KIF13A: variants seen among roughly 807,000 people sequenced by gnomAD.
KIF13A encodes kinesin-like protein KIF13A.
In KIF13A, 79 loss-of-function variants were observed where a neutral mutation model predicts 212.2. The ratio of observed to expected loss-of-function variants is 0.37; its 90% CI spans 0.31 to 0.45. KIF13A has a LOEUF of 0.45. KIF13A is among the 20% of genes least tolerant of loss of function. The pLI, the probability that KIF13A is intolerant of heterozygous loss-of-function variation, is 1.00. For synonymous variants in KIF13A, 789 were observed against 808.6 expected (o/e 0.98, Z 0.41); for missense variants, 1,901 against 2,209.0 (o/e 0.86, Z 2.79).
Position 17,837,753 on chromosome 6 carries a change from A to G in KIF13A, c.831-170T>C, listed in dbSNP as rs1283977560. Among the ~76,000 whole-genome samples, 1 of 151,898 alleles carries G rather than the reference A, an allele frequency of 6.6e-6. No individual in the cohort carries two copies. Among genetic ancestry groups the G allele is most frequent in the Admixed American group, 6.6e-5 (1 of 15,260 alleles). On this transcript the variant is annotated intron_variant, in intron 9 of 38. Coordinates refer to ENST00000259711, the MANE Select transcript of KIF13A (RefSeq NM_022113.6). The surrounding 1 kb of genome is among the most constrained non-coding windows in gnomAD (Gnocchi z 5.4). ...AATCACTTGAGGCCAGGGGTTTGAG[A>G]CCACCCTGGCCAACATGGTGAAACT...
rs773106750 is a variant in KIF13A at position 17,787,871 on chromosome 6, T to C, written c.3266A>G (p.Glu1089Gly). 1 of 1,590,028 alleles carries C rather than the reference T, an allele frequency of 6.3e-7. No homozygotes were observed. Among genetic ancestry groups the C allele is most frequent in the African/African-American group, 1.3e-5 (1 of 74,592 alleles). The stretch of plus-strand genomic sequence containing the variant: ...CCTCTCCCTTACGCAGTTTAAGTCT[T>C]CTTCCTAACATCAGGGAGGGAAAAT... ...DGDDMDSYQE[E>G]DLNCVRERWS... Residue 1089 changes from glutamate (E) to glycine (G), a missense_variant, in exon 27 of 39, where the codon GAA (glutamate) becomes GGA (glycine). By Grantham distance (98) the Glu-to-Gly change is moderately conservative (BLOSUM62 -2). Around this residue, in one of 5 missense-constraint regions of KIF13A, gnomAD observed 168 missense variants for 250.9 expected, o/e 0.67. Transcript: ENST00000259711. This position sits in a 1 kb window ranked among gnomAD's most constrained non-coding sequence, Gnocchi z 4.6.
intron 2 of KIF13A, among the ~76,000 whole-genome samples, chr6:17,943,083 T>TTAA (rs1491134017): frequency 1.3e-5 from 2 of 152,210 alleles, no homozygotes; most frequent in African/African-American, 2.4e-5. Context: ...TTACATTAAC[T>TTAA]TAAAGTATTT....
In KIF13A at chr6:17,870,117, T is replaced by C. The variant is rs150622420; in HGVS notation, c.220+3260A>G. 7.2e-5 allele frequency among the ~76,000 whole-genome samples: 11 copies of C among 152,356 alleles called. 1 individual carries two copies. In the East Asian group the frequency reaches 1.9e-3, roughly 27 times the overall value. On this transcript the variant is annotated intron_variant, in intron 4 of 38. Transcript: ENST00000259711. ...TACAATAGATGTAAACTTGAGAGAATAGTAAGCATGAATTTTACCTTTTGC... is the reference window on the plus strand; with the variant it reads ...TACAATAGATGTAAACTTGAGAGAACAGTAAGCATGAATTTTACCTTTTGC...
At chr6:17,770,789 T>C in intron 38 of KIF13A, 1 of 983,236 alleles carries the variant, frequency 1.0e-6, no homozygotes. Flanking sequence ...CTTCAGAATC[T>C]AGGCAATATG....
intron 25 of KIF13A, among the ~76,000 whole-genome samples, chr6:17,791,655 C>A (rs1303812045): frequency 1.3e-5 from 2 of 151,952 alleles, no homozygotes; most frequent in African/African-American, 4.8e-5. Context: ...AATCCCAGTA[C>A]TTTGGGAGGA....
Position 17,805,567 on chromosome 6 carries a change from T to C in KIF13A, c.2212A>G (p.Lys738Glu). 6.2e-7 allele frequency: 1 copy of C among 1,613,354 alleles called. No individual in the cohort carries two copies. Among genetic ancestry groups the C allele is most frequent in the Non-Finnish European group, 8.5e-7 (1 of 1,179,466 alleles). Residue 738 changes from lysine (K) to glutamate (E), a missense_variant, in exon 19 of 39, where the codon AAG (lysine) becomes GAG (glutamate). By Grantham distance (56) the Lys-to-Glu change is moderately conservative. This residue lies in a region of KIF13A where 534 missense variants were observed against 536.9 expected (regional missense o/e 0.99). Coordinates refer to ENST00000259711, the MANE Select transcript of KIF13A (RefSeq NM_022113.6). ...TCAATGGTCCACACTTGGGTGCTCTTTCCTTTCCTCCTCACTTGGATAGCT... is the reference window on the plus strand; with the variant it reads ...TCAATGGTCCACACTTGGGTGCTCTCTCCTTTCCTCCTCACTTGGATAGCT... The part of the protein sequence containing the change: ...EPAIQVRRKG[K>E]STQVWTIEKL...
intron 4 of KIF13A, among the ~76,000 whole-genome samples, chr6:17,865,750 C>T (rs1464485631): frequency 6.6e-6 from 1 of 152,148 alleles, no homozygotes; most frequent in Admixed American, 6.5e-5. Context: ...GAAAAGTCTA[C>T]CATTGAGGTG....
rs534000862 is a variant in KIF13A at position 17,895,893 on chromosome 6, T to G, written c.159+2275A>C. ...AATGCTAATTACCTAGTTTGTCATT[T>G]CTGACAGCAGAAGTCTGAACAGGAA... On this transcript the variant is annotated intron_variant, in intron 3 of 38. Coordinates refer to ENST00000259711, the MANE Select transcript of KIF13A (RefSeq NM_022113.6). This position sits in a 1 kb window ranked among gnomAD's most constrained non-coding sequence, Gnocchi z 4.4. 2.2e-4 allele frequency among the ~76,000 whole-genome samples: 34 copies of G among 152,354 alleles called. No individual in the cohort carries two copies. Among genetic ancestry groups the G allele is most frequent in the African/African-American group, 8.2e-4 (34 of 41,582 alleles).
intron 17 of KIF13A, among the ~76,000 whole-genome samples, chr6:17,814,246 C>CAGCCA (rs1581392344): frequency 9.1e-6 from 1 of 109,584 alleles, no homozygotes; most frequent in African/African-American, 3.4e-5. Flanking sequence ...CTACAGTGCC[C>CAGCCA]GGCTTTTTTT....
In KIF13A at chr6:17,967,861, C is replaced by T. The variant is rs1581892365; in HGVS notation, c.146+19193G>A. Among the ~76,000 whole-genome samples, 1 of 152,158 alleles carries T rather than the reference C, an allele frequency of 6.6e-6. No individual in the cohort carries two copies. The highest frequency in any genetic ancestry group is 2.4e-5 in the African/African-American group (1 of 41,416). ...TTAATAAGGTGCTCATTAAGTAAGT[C>T]TGTAAAAGCTTACTTAATAAAGTCT... is the stretch of plus-strand genomic sequence containing the variant. On this transcript the variant is annotated intron_variant, in intron 2 of 38. Transcript: ENST00000259711. The surrounding 1 kb of genome is among the most constrained non-coding windows in gnomAD (Gnocchi z 4.1).
intron 2 of KIF13A, among the ~76,000 whole-genome samples, chr6:17,937,976 G>A (rs1776623206): frequency 1.3e-5 from 2 of 152,082 alleles, no homozygotes; most frequent in Non-Finnish European, 1.5e-5. Context: ...TCAAACTCCT[G>A]ACCTCAGGTA....
chr6:17,796,392 G>A (rs945246749), intron 23 of KIF13A, among the ~76,000 whole-genome samples: 10 of 150,734 alleles, frequency 6.6e-5, no homozygotes, highest in African/African-American at 2.2e-4. Context: ...TTACAGGTGC[G>A]TGCCACCACA....
rs559414672 is a variant in KIF13A at position 17,905,981 on chromosome 6, C to T, written c.147-7801G>A. ...AATCTAACATTACCTACATTGAAAA[C>T]ATACAACAAATGCTTCTATGAATTA... On this transcript the variant is annotated intron_variant, in intron 2 of 38. Coordinates refer to ENST00000259711, the MANE Select transcript of KIF13A (RefSeq NM_022113.6). Among the ~76,000 whole-genome samples, 4 of 152,270 alleles carry T rather than the reference C, an allele frequency of 2.6e-5. No individual in the cohort carries two copies. The South Asian group carries it at 8.3e-4, about 32-fold the overall frequency.
intron 2 of KIF13A, among the ~76,000 whole-genome samples, chr6:17,938,658 C>T (rs1027189922): frequency 6.6e-6 from 1 of 152,116 alleles, no homozygotes; most frequent in Non-Finnish European, 1.5e-5. Flanking sequence ...AACTAAATCT[C>T]ACTGAAATGT....
intron 25 of KIF13A, among the ~76,000 whole-genome samples, chr6:17,792,294 C>CAG (rs1404372940): frequency 6.6e-6 from 1 of 151,370 alleles, no homozygotes; most frequent in East Asian, 1.9e-4. Context: ...ACTTATACTG[C>CAG]AGGTCACAGT....
chr6:17,975,678 C>A (rs1290461747), intron 2 of KIF13A, among the ~76,000 whole-genome samples: 1 of 152,192 alleles, frequency 6.6e-6, no homozygotes, highest in African/African-American at 2.4e-5. Flanking sequence ...TCTGTTTTGA[C>A]AGGGCGCTGA....
intron 2 of KIF13A, among the ~76,000 whole-genome samples, chr6:17,908,236 C>A (rs1472104332): frequency 6.6e-6 from 1 of 152,032 alleles, no homozygotes; most frequent in Non-Finnish European, 1.5e-5. Context: ...TTGAAGCAGA[C>A]CTGATGGAAT....
intron 16 of KIF13A, among the ~76,000 whole-genome samples, chr6:17,820,451 T>C (rs1581414533): frequency 6.6e-6 from 1 of 152,178 alleles, no homozygotes. Flanking sequence ...TCAAATCAAT[T>C]AACCAGTTTC....
intron 35 of KIF13A, among the ~76,000 whole-genome samples, chr6:17,774,788 AG>A (rs1425127451): frequency 6.6e-6 from 1 of 151,786 alleles, no homozygotes; most frequent in African/African-American, 2.4e-5. Context: ...AAAAAAAAAA[AG>A]AAGTGCAAAG....
Sources: gnomAD v4.1 joint callset for allele counts (sites outside exome capture counted in the v4.1 genomes callset) on GRCh38, gnomAD v4.1.1 for gene constraint, gnomAD v4.1.1 regional missense constraint, Gnocchi (gnomAD v3.1) non-coding constraint, MANE v1.5 for transcripts, NCBI Gene and HGNC (gene_info 2026-07-23, HGNC 2026-07-21) for gene names.